Variants in PPARGC1A observed in about 807,000 individuals in gnomAD.
PPARGC1A encodes the protein PPARG coactivator 1 alpha.
PPARGC1A carries 25 observed loss-of-function variants against 88.7 expected under a neutral mutation model. That is an observed-to-expected ratio of 0.28 (90% CI 0.21 to 0.39). The LOEUF is 0.39. Among genes scored for constraint, PPARGC1A ranks in the 10% least tolerant of loss-of-function variants. The pLI, the probability that PPARGC1A is intolerant of heterozygous loss-of-function variation, is 1.00. For synonymous variants in PPARGC1A, 363 were observed against 355.6 expected (o/e 1.02, Z -0.24); for missense variants, 880 against 968.7 (o/e 0.91, Z 1.22).
chr4:24,070,400 T>C, the PPARGC1A span, among the ~76,000 whole-genome samples: 27 of 152,332 alleles, frequency 1.8e-4, no homozygotes, highest in Middle Eastern at 3.4e-3. Flanking sequence ...TGCTGGTTTA[T>C]ACGATGCAGT....
chr4:24,224,544 G>A, the PPARGC1A span, among the ~76,000 whole-genome samples: 4 of 152,102 alleles, frequency 2.6e-5, no homozygotes, highest in African/African-American at 7.2e-5. Context: ...ACACTTATTC[G>A]TTCACTCATT....
the PPARGC1A span, among the ~76,000 whole-genome samples, chr4:24,053,141 G>T: frequency 6.6e-6 from 1 of 151,718 alleles, no homozygotes; most frequent in African/African-American, 2.4e-5. Context: ...AAAGTGCCAG[G>T]ATTACAGGCG....
intron 7 of PPARGC1A, among the ~76,000 whole-genome samples, chr4:23,822,759 T>C (rs1193850221): frequency 2.0e-5 from 3 of 152,088 alleles, no homozygotes; most frequent in Non-Finnish European, 4.4e-5. Flanking sequence ...CCAGGAAGGT[T>C]CCAAACTTTA....
chr4:24,350,514 A>G, the PPARGC1A span, among the ~76,000 whole-genome samples: 1 of 152,194 alleles, frequency 6.6e-6, no homozygotes, highest in African/African-American at 2.4e-5. Context: ...CAAATCACCA[A>G]TCCTCTCATG....
At chr4:24,330,485 G>T in the PPARGC1A span, among the ~76,000 whole-genome samples, 2 of 152,128 alleles carry the variant, frequency 1.3e-5, no homozygotes, top group African/African-American at 4.8e-5. Flanking sequence ...TGCCAGGCAC[G>T]TACATGAAGG....
the PPARGC1A span, among the ~76,000 whole-genome samples, chr4:24,449,209 G>C: frequency 6.6e-6 from 1 of 152,074 alleles, no homozygotes. Flanking sequence ...TCCATGAACT[G>C]CTTAAAAACC....
chr4:24,349,496 G>T, the PPARGC1A span, among the ~76,000 whole-genome samples: 1 of 152,162 alleles, frequency 6.6e-6, no homozygotes, highest in Non-Finnish European at 1.5e-5. Flanking sequence ...GGGGAATGGG[G>T]ATGAGATTAC....
At chr4:24,036,860 A>G in the PPARGC1A span, among the ~76,000 whole-genome samples, 2 of 152,260 alleles carry the variant, frequency 1.3e-5, no homozygotes, top group African/African-American at 4.8e-5. Flanking sequence ...CTTTTTGTAC[A>G]CAAATCAAAA....
chr4:24,181,041 G>C, the PPARGC1A span, among the ~76,000 whole-genome samples: 1 of 152,098 alleles, frequency 6.6e-6, no homozygotes, highest in Non-Finnish European at 1.5e-5. Context: ...CCAGTTTTGG[G>C]AACATATTTT....
At chr4:24,329,689 A>C in the PPARGC1A span, among the ~76,000 whole-genome samples, 1 of 152,204 alleles carries the variant, frequency 6.6e-6, no homozygotes, top group Non-Finnish European at 1.5e-5. Flanking sequence ...ACAAGCGTGA[A>C]TAATTACTAT....
At chr4:24,153,284 T>C in the PPARGC1A span, among the ~76,000 whole-genome samples, 5 of 152,136 alleles carry the variant, frequency 3.3e-5, no homozygotes, top group African/African-American at 1.2e-4. Flanking sequence ...GACAATTCAA[T>C]TATTTTTGCC....
the PPARGC1A span, among the ~76,000 whole-genome samples, chr4:24,019,656 A>T: frequency 6.6e-6 from 1 of 152,220 alleles, no homozygotes; most frequent in Non-Finnish European, 1.5e-5. Flanking sequence ...CACAATTTAA[A>T]CACTGCCTTT....
the PPARGC1A span, among the ~76,000 whole-genome samples, chr4:24,441,874 G>C: frequency 4.7e-4 from 71 of 152,330 alleles, no homozygotes; most frequent in African/African-American, 1.7e-3. Flanking sequence ...GCTGCTCCCT[G>C]ATTTAAGCAA....
the PPARGC1A span, among the ~76,000 whole-genome samples, chr4:23,997,497 CTTTTTTTT>C: frequency 3.1e-5 from 3 of 96,954 alleles, no homozygotes; most frequent in Non-Finnish European, 3.9e-5. Context: ...CAAGAAAGCC[CTTTTTTTT>C]TTTTTTTTTT....
chr4:23,980,300 C>G, the PPARGC1A span, among the ~76,000 whole-genome samples: 1 of 150,888 alleles, frequency 6.6e-6, no homozygotes, highest in African/African-American at 2.4e-5. Flanking sequence ...AGCTCCCTTT[C>G]TTTATCATTT....
At chr4:24,375,385 G>A in the PPARGC1A span, among the ~76,000 whole-genome samples, 2 of 152,120 alleles carry the variant, frequency 1.3e-5, no homozygotes, top group African/African-American at 4.8e-5. Flanking sequence ...TCCAATTCAA[G>A]GTGGGACTTA....
At chr4:24,467,404 A>G in the PPARGC1A span, among the ~76,000 whole-genome samples, 2 of 152,240 alleles carry the variant, frequency 1.3e-5, no homozygotes, top group Non-Finnish European at 2.9e-5. Flanking sequence ...TTGAAAAGGT[A>G]TAGAAGCCCA....
intron 7 of PPARGC1A, among the ~76,000 whole-genome samples, chr4:23,823,596 T>C (rs2109590772): frequency 6.6e-6 from 1 of 152,202 alleles, no homozygotes; most frequent in African/African-American, 2.4e-5. Context: ...AGTTATAATG[T>C]ATTTAAGAAA....
the PPARGC1A span, among the ~76,000 whole-genome samples, chr4:24,270,186 G>A: frequency 6.6e-6 from 1 of 152,076 alleles, no homozygotes; most frequent in South Asian, 2.1e-4. Context: ...TGATCCCTCT[G>A]CGTTGTCCTT....
Sources: gnomAD v4.1 joint callset for allele counts (sites outside exome capture counted in the v4.1 genomes callset) on GRCh38, gnomAD v4.1.1 for gene constraint, MANE v1.5 for transcripts, NCBI Gene and HGNC (gene_info 2026-07-23, HGNC 2026-07-21) for gene names.